The following ADAMTS8 variants were observed in gnomAD, a reference collection of about 807,000 sequenced individuals.
ADAMTS8 encodes ADAM metallopeptidase with thrombospondin type 1 motif 8.
ADAMTS8 carries 50 observed loss-of-function variants against 64.4 expected under a neutral mutation model. The observed-to-expected ratio is 0.78, with a 90% CI of 0.62 to 0.98. The LOEUF is 0.98. ADAMTS8 is among the 50% of genes least tolerant of loss of function. The pLI is 0.00. For synonymous variants in ADAMTS8, 556 were observed against 533.6 expected (o/e 1.04, Z -0.58); for missense variants, 1,192 against 1,208.2 (o/e 0.99, Z 0.20).
intron 8 of ADAMTS8, 132 bp downstream of exon 8, chr11:130,408,332 G>C (rs970841584): frequency 5.8e-5 from 62 of 1,074,062 alleles, no homozygotes; most frequent in South Asian, 4.9e-4. Context: ...ACTGAAGCTC[G>C]GAGAGTTTAA....
chr11:130,421,261 C>T (rs144129007), intron 1 of ADAMTS8, among the ~76,000 whole-genome samples: 3 of 152,166 alleles, frequency 2.0e-5, no homozygotes, highest in East Asian at 1.9e-4. Flanking sequence ...CAGTGAAGAC[C>T]GGAGGAAGGT....
At position 130,428,069 on chromosome 11, in the gene ADAMTS8, C is replaced by CAT; in HGVS notation, c.217_218insAT (p.Ser73AsnfsTer4). ...GATCTTGAACTCGGGCGCTAGGAAGCTGTCGTCGGGCGCCAGGCGCAGCAC... is the reference window on the plus strand; with the variant it reads ...GATCTTGAACTCGGGCGCTAGGAAGCATTGTCGTCGGGCGCCAGGCGCAGCAC... On this transcript the variant is annotated frameshift_variant, in exon 1 of 9. Coordinates refer to ENST00000257359, the MANE Select transcript of ADAMTS8 (RefSeq NM_007037.6). LOFTEE classifies it high-confidence loss of function. The CAT allele has an allele frequency of 6.5e-7, 1 of 1,536,010 alleles. No individual in the cohort carries two copies. Among genetic ancestry groups the CAT allele is most frequent in the Non-Finnish European group, 8.7e-7 (1 of 1,149,708 alleles).
rs1161667242 is a variant in ADAMTS8 at position 130,408,635 on chromosome 11, A to G, written c.1928T>C (p.Ile643Thr). The part of the protein sequence containing the change: ...SEFKVFEAKV[I>T]DGTLCGPETL... The stretch of plus-strand genomic sequence containing the variant: ...TTCTGGCCCACACAGGGTGCCATCA[A>G]TCACCTGCAACGGGGAAAGGGAAGG... The change falls in exon 8 of 9, where the codon ATT (isoleucine) becomes ACT (threonine). Residue 643 changes from isoleucine (I) to threonine (T), a missense_variant. By Grantham distance (89) the Ile-to-Thr change is moderately conservative (BLOSUM62 -1). This residue lies in a region of ADAMTS8 where 290 missense variants were observed against 297.8 expected (regional missense o/e 0.97). Coordinates refer to ENST00000257359, the MANE Select transcript of ADAMTS8 (RefSeq NM_007037.6). 4.3e-6 allele frequency: 7 copies of G among 1,613,836 alleles called. No individual in the cohort carries two copies. Among genetic ancestry groups the G allele is most frequent in the African/African-American group, 1.3e-5 (1 of 74,890 alleles).
chr11:130,410,982 T>C (rs186185825), intron 6 of ADAMTS8, among the ~76,000 whole-genome samples: 1 of 152,296 alleles, frequency 6.6e-6, no homozygotes, highest in East Asian at 1.9e-4. Flanking sequence ...GGTTTGGCTC[T>C]GACACTTGCT....
rs758739022 is a variant in ADAMTS8 at position 130,408,455 on chromosome 11, G to A, written c.2099+9C>T. On this transcript the variant is annotated intron_variant, in intron 8 of 8. Transcript: ENST00000257359. ...CCAAGCAAGGTACAGAACTTCTGGG[G>A]AGACTCACTTGGTGGGGGTGAGGGA... 1.2e-6 allele frequency: 2 copies of A among 1,613,158 alleles called. No homozygotes were observed. Among genetic ancestry groups the A allele is most frequent in the Admixed American group, 1.7e-5 (1 of 60,018 alleles).
chr11:130,411,325 C>T lies in ADAMTS8; in HGVS notation c.1750+92G>A. On this transcript the variant is annotated intron_variant, in intron 6 of 8. Coordinates refer to ENST00000257359, the MANE Select transcript of ADAMTS8 (RefSeq NM_007037.6). This position sits in a 1 kb window ranked among gnomAD's most constrained non-coding sequence, Gnocchi z 4.2. ...GGGAGTAACTCTATATCCCGGGACA[C>T]CCACTTCACTCCCACTTTACACATC... 3 of 1,482,006 alleles carry T rather than the reference C, an allele frequency of 2.0e-6. No individual in the cohort carries two copies. In the South Asian group the frequency reaches 3.9e-5, roughly 19 times the overall value. 91.8% of individuals were successfully genotyped at this position (1,482,006 alleles called of 1,614,324 possible).
chr11:130,408,710 G>A, intron 7 of ADAMTS8, 58 bp downstream of exon 7: 1 of 1,611,882 alleles, frequency 6.2e-7, no homozygotes, highest in Non-Finnish European at 8.5e-7. Context: ...GGGCGGGGGT[G>A]TGGGGACAGG....
chr11:130,427,492 G>A, intron 1 of ADAMTS8, 75 bp downstream of exon 1: 1 of 1,375,466 alleles, frequency 7.3e-7, no homozygotes, highest in Non-Finnish European at 9.7e-7. Context: ...GGATTGGAAG[G>A]GGAGATTTTA....
chr11:130,420,151 C>T (rs1862081540), intron 1 of ADAMTS8, among the ~76,000 whole-genome samples: 1 of 152,198 alleles, frequency 6.6e-6, no homozygotes, highest in Non-Finnish European at 1.5e-5. Flanking sequence ...CTGGTGTCTG[C>T]CTGGACAGCC....
intron 8 of ADAMTS8, among the ~76,000 whole-genome samples, chr11:130,407,087 G>A (rs1861894557): frequency 6.6e-6 from 1 of 152,184 alleles, no homozygotes; most frequent in Admixed American, 6.5e-5. Context: ...GAGTTCCAAG[G>A]CAGGGCGCAG....
intron 1 of ADAMTS8, among the ~76,000 whole-genome samples, chr11:130,420,991 C>T (rs902087374): frequency 6.6e-6 from 1 of 152,140 alleles, no homozygotes; most frequent in Non-Finnish European, 1.5e-5. Context: ...CAGGGACCAA[C>T]CCCTGGAATT....
chr11:130,425,967 G>A (rs1274471871), intron 1 of ADAMTS8, among the ~76,000 whole-genome samples: 2 of 152,144 alleles, frequency 1.3e-5, no homozygotes, highest in Admixed American at 6.5e-5. Flanking sequence ...GATGGGAGAA[G>A]CCCTCTTCTC....
chr11:130,409,067 G>A (rs1221051146), intron 6 of ADAMTS8, 127 bp from the exon 7 acceptor site: 1 of 1,052,424 alleles, frequency 9.5e-7, no homozygotes, highest in Non-Finnish European at 1.3e-6. Flanking sequence ...AGGCGCCCAG[G>A]GCCAGTGTCT....
rs771285887 is a variant in ADAMTS8 at position 130,405,889 on chromosome 11, C to T, written c.2339G>A (p.Arg780Gln). The T allele has an allele frequency of 2.2e-5, 36 of 1,613,946 alleles. No individual in the cohort carries two copies. Among genetic ancestry groups the T allele is most frequent in the Admixed American group, 8.3e-5 (5 of 60,002 alleles). ...IATLERLQSF[R>Q]PLPEPLTVQL... ...CACTGTCAGAGGCTCTGGCAAGGGC[C>T]GGAAGCTCTGCAGGCGCTCCAGGGT... is the stretch of plus-strand genomic sequence containing the variant. Residue 780 changes from arginine to glutamine, a missense_variant, in exon 9 of 9, where the codon CGG (arginine) becomes CAG (glutamine). This residue lies in a region of ADAMTS8 where 147 missense variants were observed against 154.1 expected (regional missense o/e 0.95). Coordinates refer to ENST00000257359, the MANE Select transcript of ADAMTS8 (RefSeq NM_007037.6).
At position 130,428,224 on chromosome 11, in the gene ADAMTS8, CA is replaced by C. The variant is rs1340329411; in HGVS notation, c.62del (p.Leu21ArgfsTer55). On this transcript the variant is annotated frameshift_variant, in exon 1 of 9. Transcript: ENST00000257359. LOFTEE classifies it high-confidence loss of function. ...GGGCCGGGGCGCCGCGGGCCAGCGG[CA>C]GCAGCAGCAGCAGCAGCAGCAGGAG... ...PPLLLLLLLL[L>X]PLARGAPARP... is the part of the protein sequence containing the mutation. 7.1e-5 allele frequency: 15 copies of C among 211,976 alleles called. No homozygotes were observed. Among genetic ancestry groups the C allele is most frequent in the Non-Finnish European group, 9.6e-5 (14 of 145,132 alleles). 13.1% of individuals were successfully genotyped at this position (211,976 alleles called of 1,614,324 possible). A position where few individuals can be genotyped will look rare whatever the true frequency, so the allele number is the denominator to read the frequency against.
chr11:130,416,903 G>A lies in ADAMTS8; in HGVS notation c.1096+37C>T, dbSNP rs1339080675. ...TGGATCTGGAAGAGCAGTTCCCTCC[G>A]ATGTGGTGAAGTGGGCTTTGGCACA... is the stretch of plus-strand genomic sequence containing the variant. On this transcript the variant is annotated intron_variant, in intron 3 of 8. Coordinates refer to ENST00000257359, the MANE Select transcript of ADAMTS8 (RefSeq NM_007037.6). The surrounding 1 kb of genome is among the most constrained non-coding windows in gnomAD (Gnocchi z 4.8). 1.9e-6 allele frequency: 3 copies of A among 1,613,596 alleles called. No homozygotes were observed. Among genetic ancestry groups the A allele is most frequent in the Admixed American group, 1.7e-5 (1 of 60,026 alleles).
intron 1 of ADAMTS8, among the ~76,000 whole-genome samples, chr11:130,421,125 C>G (rs1862093627): frequency 6.6e-6 from 1 of 152,184 alleles, no homozygotes; most frequent in Non-Finnish European, 1.5e-5. Flanking sequence ...ACACCAGCTG[C>G]TAAGCTTCGG....
intron 1 of ADAMTS8, 108 bp downstream of exon 1, chr11:130,427,459 T>G: frequency 9.4e-7 from 1 of 1,061,444 alleles, no homozygotes; most frequent in Non-Finnish European, 1.3e-6. Context: ...GGCTTTTTTT[T>G]TTTTTTTTTT....
rs1273629500 is a variant in ADAMTS8 at position 130,428,177 on chromosome 11, G to A, written c.110C>T (p.Ala37Val). The A allele has an allele frequency of 7.5e-7, 1 of 1,340,572 alleles. No homozygotes were observed. 83.0% of individuals were successfully genotyped at this position (1,340,572 alleles called of 1,614,324 possible). The change falls in exon 1 of 9, where the codon GCC becomes GTC. Residue 37 changes from alanine (A) to valine (V), a missense_variant. Physicochemically the swap from Ala to Val is moderately conservative, Grantham distance 64. This residue lies in a region of ADAMTS8 where 741 missense variants were observed against 710.6 expected (regional missense o/e 1.04). Transcript: ENST00000257359. ...CCGCGTGGGCACCACCAGCTCCGAG[G>A]CCTGCCCCCCGGCTGCGGGCCGGGC... ...APARPAAGGQ[A>V]SELVVPTRLP...
Sources: gnomAD v4.1 joint callset for allele counts (sites outside exome capture counted in the v4.1 genomes callset) on GRCh38, gnomAD v4.1.1 for gene constraint, gnomAD v4.1.1 regional missense constraint, Gnocchi (gnomAD v3.1) non-coding constraint, MANE v1.5 for transcripts, NCBI Gene and HGNC (gene_info 2026-07-23, HGNC 2026-07-21) for gene names.